The following HIP1 variants were observed in gnomAD, a reference collection of about 807,000 sequenced individuals.
HIP1 encodes the protein huntingtin interacting protein 1.
Under a neutral mutation model 147.6 loss-of-function variants are expected in HIP1, and 65 were observed. The ratio of observed to expected loss-of-function variants is 0.44; its 90% CI spans 0.36 to 0.54. The LOEUF (loss-of-function observed/expected upper bound fraction) is 0.54, where lower values mean the gene tolerates loss of function less well. HIP1 is among the 20% of genes least tolerant of loss of function. HIP1 has a pLI of 0.00. For missense variants in HIP1, 1,061 were observed against 1,299.6 expected, an observed-to-expected ratio of 0.82 and a Z score of 2.82; for synonymous variants, 479 against 504.0, an observed-to-expected ratio of 0.95 and a Z score of 0.67.
chr7:75,545,877 G>A (rs146364614), intron 25 of HIP1, among the ~76,000 whole-genome samples: 2,007 of 152,252 alleles, frequency 0.013, 14 homozygotes, highest in Non-Finnish European at 0.02. Context: ...GGAGGCAGAG[G>A]TTGCAGTGAG....
chr7:75,738,448 T>C (rs1484540848), intron 1 of HIP1, among the ~76,000 whole-genome samples: 1 of 152,080 alleles, frequency 6.6e-6, no homozygotes, highest in Non-Finnish European at 1.5e-5. Flanking sequence ...GTGGCTCCCG[T>C]GCGCTTCCCT....
At chr7:75,698,493 G>C (rs140153380) in intron 1 of HIP1, among the ~76,000 whole-genome samples, 1,889 of 152,182 alleles carry the variant, frequency 0.012, 41 homozygotes, top group African/African-American at 0.043. Flanking sequence ...AAGAAATGAG[G>C]AAGTCTATTG....
chr7:75,559,164 C>T (rs183411250), intron 14 of HIP1, among the ~76,000 whole-genome samples: 219 of 152,216 alleles, frequency 1.4e-3, no homozygotes, highest in African/African-American at 5.0e-3. Context: ...TTGCAGAGGC[C>T]GGAGTGCAGT....
At chr7:75,662,526 G>A (rs1554513800) in intron 1 of HIP1, among the ~76,000 whole-genome samples, 1 of 151,950 alleles carries the variant, frequency 6.6e-6, no homozygotes, top group African/African-American at 2.4e-5. Flanking sequence ...TTATTTTTGA[G>A]ACAGCGTCTC....
intron 17 of HIP1, 92 bp from the exon 18 acceptor site, chr7:75,556,261 G>A: frequency 6.9e-7 from 1 of 1,450,142 alleles, no homozygotes; most frequent in Non-Finnish European, 9.4e-7. Flanking sequence ...GGGTTGCAAG[G>A]ACTGGGAAGG....
intron 1 of HIP1, among the ~76,000 whole-genome samples, chr7:75,660,216 TAAAA>T (rs66778859): frequency 2.4e-4 from 33 of 138,940 alleles, no homozygotes; most frequent in Non-Finnish European, 3.0e-4. Flanking sequence ...CGATACGTGG[TAAAA>T]AAAAAAAAAA....
intron 1 of HIP1, among the ~76,000 whole-genome samples, chr7:75,652,326 A>C (rs1482426245): frequency 6.6e-6 from 1 of 151,914 alleles, no homozygotes; most frequent in Admixed American, 6.6e-5. Flanking sequence ...AAAAAAAAAA[A>C]AAAACCACTA....
chr7:75,713,942 C>T (rs1460575904), intron 1 of HIP1, among the ~76,000 whole-genome samples: 5 of 152,084 alleles, frequency 3.3e-5, no homozygotes, highest in East Asian at 1.9e-4. Context: ...TCAAGTGATC[C>T]GTCCATCTCA....
rs782188046 is a variant in HIP1 at position 75,548,906 on chromosome 7, G to T, written c.2391C>A (p.Ala797=). 1.2e-6 allele frequency: 2 copies of T among 1,613,204 alleles called. No homozygotes were observed. The highest frequency in any genetic ancestry group is 2.2e-5 in the South Asian group (2 of 91,058). Residue 797 remains alanine, a synonymous_variant, in exon 23 of 31, where the codon GCC becomes GCA. Coordinates refer to ENST00000336926, the MANE Select transcript of HIP1 (RefSeq NM_005338.7). ...AACCTCCTACCTCTATTCTGGCCGT[G>T]GCAGTTTCAATAGCAGCTGAAGTGG... ...MAATSAAIET[A]TARIEEMLSK...
chr7:75,681,275 T>C (rs1320272211), intron 1 of HIP1, among the ~76,000 whole-genome samples: 1 of 152,098 alleles, frequency 6.6e-6, no homozygotes, highest in Non-Finnish European at 1.5e-5. Context: ...ATCCCCTTCT[T>C]GTCAACCCTG....
chr7:75,639,204 C>T (rs1798554651), intron 1 of HIP1: 1 of 976,920 alleles, frequency 1.0e-6, no homozygotes. Context: ...GGGCAGGCGG[C>T]GGCGGCGGCG....
intron 1 of HIP1, among the ~76,000 whole-genome samples, chr7:75,730,492 A>C (rs1244363711): frequency 6.6e-6 from 1 of 151,892 alleles, no homozygotes; most frequent in Non-Finnish European, 1.5e-5. Context: ...GGCGCACGCC[A>C]CCACGCCCAG....
At chr7:75,674,542 T>C (rs1554515738) in intron 1 of HIP1, among the ~76,000 whole-genome samples, 1 of 149,026 alleles carries the variant, frequency 6.7e-6, no homozygotes, top group African/African-American at 2.5e-5. Context: ...GCCTAGGCTG[T>C]AGTGCAGTGG....
chr7:75,664,225 G>T (rs905500169), intron 1 of HIP1, among the ~76,000 whole-genome samples: 4 of 108,818 alleles, frequency 3.7e-5, no homozygotes, highest in Non-Finnish European at 5.5e-5. Flanking sequence ...TACATATATT[G>T]TGTGTGTATA....
rs910900974 is a variant in HIP1 at position 75,568,901 on chromosome 7, T to C, written c.746-645A>G. On this transcript the variant is annotated intron_variant, in intron 8 of 30. Transcript: ENST00000336926. This position sits in a 1 kb window ranked among gnomAD's most constrained non-coding sequence, Gnocchi z 4.1. ...GCATGCGCCTGTAATCCCAGCTACT[T>C]GGGAGGCTGAGGCAGGAGAATTGCT... Among the ~76,000 whole-genome samples, 2 of 152,106 alleles carry C rather than the reference T, an allele frequency of 1.3e-5. No homozygotes were observed. The highest frequency in any genetic ancestry group is 4.8e-5 in the African/African-American group (2 of 41,436).
chr7:75,633,849 C>T (rs1798327717), intron 1 of HIP1, among the ~76,000 whole-genome samples: 1 of 152,170 alleles, frequency 6.6e-6, no homozygotes, highest in Non-Finnish European at 1.5e-5. Flanking sequence ...CTCAGAACAT[C>T]TGAAATACCT....
intron 11 of HIP1, 89 bp downstream of exon 11, chr7:75,562,846 A>G: frequency 7.4e-7 from 1 of 1,359,830 alleles, no homozygotes; most frequent in Non-Finnish European, 1.0e-6. Flanking sequence ...GGTTAGAGTC[A>G]ATGGGCTTTG....
chr7:75,587,856 C>T (rs1307916113), intron 4 of HIP1, among the ~76,000 whole-genome samples: 1 of 152,070 alleles, frequency 6.6e-6, no homozygotes, highest in African/African-American at 2.4e-5. Flanking sequence ...CTCAGCTATT[C>T]AGGAGGCTGA....
chr7:75,599,997 G>C (rs587676021), intron 1 of HIP1, among the ~76,000 whole-genome samples: 167 of 148,302 alleles, frequency 1.1e-3, no homozygotes, highest in Non-Finnish European at 1.9e-3. Context: ...CATCAAACCC[G>C]GCTAATTTTT....
Sources: allele counts gnomAD v4.1 joint callset (sites outside exome capture counted in the v4.1 genomes callset), GRCh38; gene constraint gnomAD v4.1.1; non-coding constraint Gnocchi (gnomAD v3.1); transcripts MANE v1.5; gene names NCBI Gene and HGNC (gene_info 2026-07-23, HGNC 2026-07-21).